The following CRB2 variants were observed in gnomAD, a reference collection of about 807,000 sequenced individuals.
CRB2 encodes the protein protein crumbs homolog 2.
In CRB2, 85 loss-of-function variants were observed where a neutral mutation model predicts 110.9. The observed-to-expected ratio is 0.77, with a 90% CI of 0.64 to 0.92. The LOEUF (loss-of-function observed/expected upper bound fraction) is 0.92. Among genes scored for constraint, CRB2 ranks in the 40% least tolerant of loss-of-function variants. The pLI, the probability that CRB2 is intolerant of heterozygous loss-of-function variation, is 0.00. For synonymous variants in CRB2, 907 were observed against 831.0 expected (o/e 1.09, Z -1.57); for missense variants, 1,843 against 1,851.3 (o/e 1.00, Z 0.08).
At chr9:123,376,123 CA>C (rs1353507140) in intron 12 of CRB2, among the ~76,000 whole-genome samples, 1 of 152,198 alleles carries the variant, frequency 6.6e-6, no homozygotes, top group East Asian at 1.9e-4. Flanking sequence ...GCTCCTCCCT[CA>C]AAATGTCCAA....
Position 123,371,221 on chromosome 9 carries a change from A to G in CRB2, c.2079A>G (p.Ala693=), listed in dbSNP as rs201309557. The change falls in exon 8 of 13, where the codon GCA becomes GCG. Residue 693 remains alanine (A), a synonymous_variant. Coordinates refer to ENST00000373631, the MANE Select transcript of CRB2 (RefSeq NM_173689.7). ...GLLLQFANDS[A]AGLTVFLSEG... is the part of the protein sequence containing the mutation. ...TGCTCCAGTTTGCCAATGACTCCGC[A>G]GCTGGCCTAACAGTATTCCTGAGTG... 8.1e-6 allele frequency: 13 copies of G among 1,613,942 alleles called. No individual in the cohort carries two copies. The highest frequency in any genetic ancestry group is 1.7e-6 in the Non-Finnish European group (2 of 1,180,024).
chr9:123,356,370 T>C lies in CRB2; in HGVS notation c.94+16T>C. ...CTCCTGGCTGGTGAGTTGGGGCCCA[T>C]GTCTGGAGGGGCCTGGGAGAGGGTC... On this transcript the variant is annotated intron_variant, in intron 1 of 12. Coordinates refer to ENST00000373631, the MANE Select transcript of CRB2 (RefSeq NM_173689.7). 1.3e-6 allele frequency: 2 copies of C among 1,527,524 alleles called. No homozygotes were observed. The allele number at this position is 1,527,524 out of a possible 1,614,324, so 94.6% of individuals were successfully genotyped here. A position where few individuals can be genotyped will look rare whatever the true frequency, so the allele number is the denominator to read the frequency against.
At chr9:123,367,513 C>T (rs2041954591) in intron 5 of CRB2, 60 bp from the exon 6 acceptor site, 1 of 1,449,790 alleles carries the variant, frequency 6.9e-7, no homozygotes, top group Non-Finnish European at 9.4e-7. Flanking sequence ...AGAATGGACC[C>T]TCTCAGCCCC....
At chr9:123,361,194 T>G (rs2041865636) in intron 1 of CRB2, among the ~76,000 whole-genome samples, 1 of 148,600 alleles carries the variant, frequency 6.7e-6, no homozygotes, top group Admixed American at 6.8e-5. Context: ...GGGAATTAAG[T>G]GAGGGACCTG....
chr9:123,364,862 T>C (rs922608708), intron 2 of CRB2, among the ~76,000 whole-genome samples: 1 of 152,156 alleles, frequency 6.6e-6, no homozygotes, highest in Non-Finnish European at 1.5e-5. Context: ...CTTGGTACTT[T>C]CAGTTCTAAA....
At chr9:123,360,749 C>T (rs1019560999) in intron 1 of CRB2, among the ~76,000 whole-genome samples, 1 of 152,180 alleles carries the variant, frequency 6.6e-6, no homozygotes, top group Non-Finnish European at 1.5e-5. Flanking sequence ...GACTGTGAGG[C>T]TGCTTCGAGT....
chr9:123,375,220 T>C lies in CRB2; in HGVS notation c.3510T>C (p.Cys1170=). 1 of 1,612,572 alleles carries C rather than the reference T, an allele frequency of 6.2e-7. No homozygotes were observed. The highest frequency in any genetic ancestry group is 1.3e-5 in the African/African-American group (1 of 74,948). The part of the protein sequence containing the change: ...SCLEGLAGQR[C]QVPTLPCEAN... ...CTCAGCCCCCCTCCCTCTCCAGGTGTCAGGTCCCCACTCTCCCCTGTGAAG... is the reference window on the plus strand; with the variant it reads ...CTCAGCCCCCCTCCCTCTCCAGGTGCCAGGTCCCCACTCTCCCCTGTGAAG... The change falls in exon 12 of 13, where the codon TGT becomes TGC. Residue 1170 remains cysteine (C), a synonymous_variant. Transcript: ENST00000373631.
At chr9:123,367,429 ACCC>A (rs10537052) in intron 5 of CRB2, 72 bp downstream of exon 5, 2 of 919,756 alleles carry the variant, frequency 2.2e-6, no homozygotes, top group Non-Finnish European at 2.9e-6. Context: ...CCACCCCCCC[ACCC>A]CCCCCACCCC....
intron 6 of CRB2, among the ~76,000 whole-genome samples, chr9:123,369,682 A>G (rs569933517): frequency 1.3e-5 from 2 of 152,248 alleles, no homozygotes; most frequent in East Asian, 3.9e-4. Context: ...GGTGTCTTAA[A>G]TGTCAGGGTG....
chr9:123,363,325 C>A, intron 2 of CRB2, 137 bp downstream of exon 2: 1 of 912,770 alleles, frequency 1.1e-6, no homozygotes, highest in Non-Finnish European at 1.6e-6. Flanking sequence ...AGGGTATATC[C>A]ACTTGGTCTG....
rs1275182243 is a variant in CRB2, at chr9:123,377,240, CAG to C, written c.*181_*182del. On this transcript the variant is annotated 3_prime_UTR_variant, in exon 13 of 13. Transcript: ENST00000373631. ...GGACGAGGGGAGCAACTCAGGGAAA[CAG>C]AGGCCTAGAGAGGCTGCGGACTTCT... 2 of 633,078 alleles carry C rather than the reference CAG, an allele frequency of 3.2e-6. No homozygotes were observed. Among genetic ancestry groups the C allele is most frequent in the Non-Finnish European group, 5.4e-6 (2 of 372,672 alleles). 39.2% of individuals were successfully genotyped at this position (633,078 alleles called of 1,614,324 possible).
rs762741525 is a variant in CRB2 at position 123,374,648 on chromosome 9, C to T, written c.3459C>T (p.Gly1153=). Residue 1153 remains glycine (G), a synonymous_variant, in exon 11 of 13, where the codon GGC becomes GGT. Transcript: ENST00000373631. ...TCLDGSPCEG[G]SPAANCSCLE... ...TCGATGGCAGCCCATGTGAGGGTGG[C>T]TCTCCCGCTGCCAACTGCAGCTGCC... The T allele has an allele frequency of 2.7e-5, 44 of 1,612,854 alleles. No homozygotes were observed. The highest frequency in any genetic ancestry group is 3.5e-5 in the Non-Finnish European group (41 of 1,179,960).
In CRB2 at chr9:123,356,281, G is replaced by C; in HGVS notation, c.21G>C (p.Gly7=). Residue 7 remains glycine, a synonymous_variant, in exon 1 of 13, where the codon GGG becomes GGC. Coordinates refer to ENST00000373631, the MANE Select transcript of CRB2 (RefSeq NM_173689.7). ...CTGCCATGGCGCTGGCCAGGCCTGG[G>C]ACCCCGGACCCCCAGGCCCTGGCCT... MALARP[G]TPDPQALASV... 2.0e-6 allele frequency: 3 copies of C among 1,537,896 alleles called. No individual in the cohort carries two copies. The highest frequency in any genetic ancestry group is 2.0e-5 in the Admixed American group (1 of 48,898).
rs780478686 is a variant in CRB2, at chr9:123,371,259, G to A, written c.2117G>A (p.Arg706Gln). ...GTATTCCTGAGTGAGGGTCGGATCC[G>A]GGCTGAGGTGCCGGGCAGTCCTGCT... ...LTVFLSEGRI[R>Q]AEVPGSPAVV... Residue 706 changes from arginine (R) to glutamine (Q), a missense_variant, in exon 8 of 13, where the codon CGG (arginine) becomes CAG (glutamine). Physicochemically the swap from Arg to Gln is conservative, Grantham distance 43 (BLOSUM62 1). Transcript: ENST00000373631. The A allele has an allele frequency of 4.6e-5, 75 of 1,613,846 alleles. 1 individual carries two copies. The highest frequency in any genetic ancestry group is 5.8e-5 in the Non-Finnish European group (69 of 1,180,034).
chr9:123,373,140 C>A lies in CRB2; in HGVS notation c.2609C>A (p.Ala870Glu), dbSNP rs757720576. The A allele has an allele frequency of 2.7e-6, 4 of 1,504,276 alleles. No homozygotes were observed. In the South Asian group the frequency reaches 4.9e-5, roughly 18 times the overall value. The allele number at this position is 1,504,276 out of a possible 1,614,324, so 93.2% of individuals were successfully genotyped here. The part of the protein sequence containing the change: ...EEVPDGFVCV[A>E]EATFREGPPA... ...AGGCTCCTTCTCTCCGCAGGTGTGG[C>A]GGAGGCCACGTTCCGCGAGGGTCCC... Residue 870 changes from alanine to glutamate, a missense_variant, in exon 10 of 13, where the codon GCG becomes GAG. Ala to Glu is a moderately radical substitution (Grantham distance 107, BLOSUM62 -1). Transcript: ENST00000373631.
chr9:123,366,592 G>C (rs780097781), intron 4 of CRB2, among the ~76,000 whole-genome samples: 1 of 152,216 alleles, frequency 6.6e-6, no homozygotes, highest in African/African-American at 2.4e-5. Flanking sequence ...TCGAAGGTGC[G>C]ACGCCTGGGA....
At chr9:123,379,178 C>T (rs1439159071), downstream of CRB2, among the ~76,000 whole-genome samples, 2 of 151,726 alleles carry the variant, frequency 1.3e-5, no homozygotes, top group Non-Finnish European at 2.9e-5. Flanking sequence ...ATGGGCGAGT[C>T]GGAGGGGGTG....
Position 123,356,305 on chromosome 9 carries a change from C to T in CRB2, c.45C>T (p.Ala15=). ...GGACCCCGGACCCCCAGGCCCTGGC[C>T]TCTGTCCTGCTACTGCTGCTCTGGG... ...RPGTPDPQAL[A]SVLLLLLWAP... Residue 15 remains alanine (A), a synonymous_variant, in exon 1 of 13, where the codon GCC becomes GCT. Coordinates refer to ENST00000373631, the MANE Select transcript of CRB2 (RefSeq NM_173689.7). 6.5e-7 allele frequency: 1 copy of T among 1,546,822 alleles called. No individual in the cohort carries two copies. The highest frequency in any genetic ancestry group is 8.7e-7 in the Non-Finnish European group (1 of 1,145,978).
intron 1 of CRB2, among the ~76,000 whole-genome samples, chr9:123,359,517 T>C (rs1222355538): frequency 7.1e-6 from 1 of 141,636 alleles, no homozygotes; most frequent in Non-Finnish European, 1.5e-5. Flanking sequence ...GGCAAAATCA[T>C]AGCCCACTGT....
Sources: gnomAD v4.1 joint callset for allele counts (sites outside exome capture counted in the v4.1 genomes callset) on GRCh38, gnomAD v4.1.1 for gene constraint, MANE v1.5 for transcripts, NCBI Gene and HGNC (gene_info 2026-07-23, HGNC 2026-07-21) for gene names.